Variants in RARB observed in about 807,000 individuals in gnomAD.
RARB encodes the protein HBV-activated protein.
RARB carries 17 observed loss-of-function variants against 51.9 expected under a neutral mutation model. The ratio of observed to expected loss-of-function variants is 0.33; its 90% CI spans 0.22 to 0.49. The LOEUF (loss-of-function observed/expected upper bound fraction) is 0.49, where lower values mean the gene tolerates loss of function less well. RARB is among the 20% of genes least tolerant of loss of function. RARB has a pLI of 0.99. For synonymous variants in RARB, 215 were observed against 195.4 expected, an observed-to-expected ratio of 1.10 and a Z score of -0.84; for missense variants, 369 against 550.8, an observed-to-expected ratio of 0.67 and a Z score of 3.30.
chr3:25,032,115 T>G (rs1417421367), intron 2 of RARB, among the ~76,000 whole-genome samples: 1 of 152,222 alleles, frequency 6.6e-6, no homozygotes, highest in African/African-American at 2.4e-5. Context: ...AAAAAACTAT[T>G]AATAGGTCCA....
At chr3:25,463,214 G>A (rs1378458297) in intron 2 of RARB, among the ~76,000 whole-genome samples, 1 of 152,060 alleles carries the variant, frequency 6.6e-6, no homozygotes, top group Non-Finnish European at 1.5e-5. Context: ...AGTAATAAGT[G>A]ATATAGATAT....
intron 3 of RARB, among the ~76,000 whole-genome samples, chr3:25,503,781 A>T (rs768820077): frequency 1.3e-5 from 2 of 152,256 alleles, no homozygotes; most frequent in Non-Finnish European, 2.9e-5. Context: ...GTAACCAATT[A>T]TACCACAGTA....
chr3:24,894,156 C>T (rs1703436777), intron 2 of RARB, among the ~76,000 whole-genome samples: 1 of 152,068 alleles, frequency 6.6e-6, no homozygotes, highest in Non-Finnish European at 1.5e-5. Flanking sequence ...GATACATGTG[C>T]ATGTTTACCT....
chr3:25,255,698 G>A (rs1702847752), intron 5 of RARB, among the ~76,000 whole-genome samples: 1 of 152,036 alleles, frequency 6.6e-6, no homozygotes, highest in South Asian at 2.1e-4. Context: ...TATTAGAGTG[G>A]TTTATGCAGT....
At chr3:24,901,550 T>G (rs945629265) in intron 2 of RARB, among the ~76,000 whole-genome samples, 1 of 152,176 alleles carries the variant, frequency 6.6e-6, no homozygotes, top group Non-Finnish European at 1.5e-5. Context: ...TCAGGGATTT[T>G]AAAAAATAAA....
intron 5 of RARB, among the ~76,000 whole-genome samples, chr3:25,415,266 A>G (rs754872038): frequency 3.3e-5 from 5 of 152,210 alleles, no homozygotes; most frequent in Non-Finnish European, 7.3e-5. Flanking sequence ...CTAAAAAATC[A>G]TTGCCTGATG....
intron 2 of RARB, among the ~76,000 whole-genome samples, chr3:24,924,302 G>C (rs1206303661): frequency 6.6e-6 from 1 of 152,112 alleles, no homozygotes; most frequent in African/African-American, 2.4e-5. Flanking sequence ...CTCAGCTGAA[G>C]AATTGTGATT....
chr3:25,174,532 T>C (rs774004053), exon 5 of RARB: 1 of 1,352,154 alleles, frequency 7.4e-7, no homozygotes. Flanking sequence ...ATGGCCTTCA[T>C]GGACATCCGC....
At chr3:25,126,223 T>A (rs1575172224) in intron 3 of RARB, among the ~76,000 whole-genome samples, 1 of 152,132 alleles carries the variant, frequency 6.6e-6, no homozygotes, top group South Asian at 2.1e-4. Context: ...AAGTAATGTT[T>A]CCTTTAAAAT....
intron 2 of RARB, among the ~76,000 whole-genome samples, chr3:25,028,815 T>C (rs1171565919): frequency 6.6e-6 from 1 of 152,190 alleles, no homozygotes; most frequent in East Asian, 1.9e-4. Context: ...GAATATCCTG[T>C]GGTTGTCTGG....
intron 4 of RARB, among the ~76,000 whole-genome samples, chr3:25,154,082 C>T (rs1267965834): frequency 6.6e-6 from 1 of 152,144 alleles, no homozygotes; most frequent in African/African-American, 2.4e-5. Flanking sequence ...TCACTCTCTT[C>T]TATGATTATG....
At chr3:25,133,572 CTTAAG>C (rs1330674629) in intron 4 of RARB, among the ~76,000 whole-genome samples, 1 of 151,962 alleles carries the variant, frequency 6.6e-6, no homozygotes, top group Non-Finnish European at 1.5e-5. Context: ...GTGCTTATGC[CTTAAG>C]TTATCTCAAA....
chr3:25,199,042 A>C (rs1043545238), intron 5 of RARB, among the ~76,000 whole-genome samples: 26 of 152,148 alleles, frequency 1.7e-4, no homozygotes, highest in African/African-American at 6.3e-4. Flanking sequence ...GTGGCGACCT[A>C]AGTGTCCATC....
intron 4 of RARB, among the ~76,000 whole-genome samples, chr3:25,162,716 T>C (rs1313558951): frequency 2.6e-5 from 4 of 152,248 alleles, no homozygotes; most frequent in African/African-American, 9.6e-5. Context: ...TGTAGCATAA[T>C]GTTTTCAAGG....
At chr3:25,403,838 GA>G (rs35830598) in intron 5 of RARB, among the ~76,000 whole-genome samples, 8,719 of 68,140 alleles carry the variant, frequency 0.13, 991 homozygotes, top group African/African-American at 0.38. Context: ...ATCTTCATTA[GA>G]AAAAAAAAAA....
intron 5 of RARB, among the ~76,000 whole-genome samples, chr3:25,370,294 G>A (rs777903481): frequency 4.6e-5 from 7 of 152,102 alleles, no homozygotes; most frequent in Non-Finnish European, 8.8e-5. Flanking sequence ...AAAATTGATC[G>A]TCAAAATACA....
chr3:24,947,616 C>T (rs575260510), intron 2 of RARB, among the ~76,000 whole-genome samples: 8 of 152,282 alleles, frequency 5.3e-5, no homozygotes, highest in South Asian at 2.1e-4. Context: ...TACAGATGAC[C>T]TTCAGTGACA....
intron 2 of RARB, among the ~76,000 whole-genome samples, chr3:24,931,424 T>C (rs1420099183): frequency 6.6e-6 from 1 of 152,018 alleles, no homozygotes; most frequent in Admixed American, 6.6e-5. Flanking sequence ...ACAAGATGCA[T>C]AAAATACATC....
At chr3:25,417,811 T>C (rs1707747692) in intron 5 of RARB, among the ~76,000 whole-genome samples, 1 of 152,218 alleles carries the variant, frequency 6.6e-6, no homozygotes, top group Admixed American at 6.5e-5. Flanking sequence ...ACTTGACTTT[T>C]AAAAGAGACC....
Sources: allele counts gnomAD v4.1 joint callset (sites outside exome capture counted in the v4.1 genomes callset), GRCh38; gene constraint gnomAD v4.1.1; transcripts MANE v1.5; gene names NCBI Gene and HGNC (gene_info 2026-07-23, HGNC 2026-07-21).